Variants in ZNF496 observed in about 807,000 individuals in gnomAD.
The protein encoded by ZNF496 is zinc finger protein 496, also known as NSD1 (nuclear receptor binding SET-domain containing 1)-interacting zinc finger protein 1.
A neutral mutation model predicts 58.9 loss-of-function variants in ZNF496; 11 were observed. The observed-to-expected ratio is 0.19, with a 90% CI of 0.12 to 0.31. ZNF496 has a LOEUF of 0.31. Among genes scored for constraint, ZNF496 ranks in the 10% least tolerant of loss-of-function variants. ZNF496 has a pLI of 1.00. For synonymous variants in ZNF496, 338 were observed against 318.2 expected (o/e 1.06, Z -0.66); for missense variants, 660 against 783.0 (o/e 0.84, Z 1.88).
At chr1:247,318,419 C>G (rs576407978) in intron 6 of ZNF496, among the ~76,000 whole-genome samples, 6 of 152,216 alleles carry the variant, frequency 3.9e-5, no homozygotes, top group African/African-American at 1.4e-4. Context: ...CTAAAGAAAT[C>G]CATAACAAGA....
At chr1:247,316,756 AG>A (rs923973201) in intron 6 of ZNF496, among the ~76,000 whole-genome samples, 5 of 152,228 alleles carry the variant, frequency 3.3e-5, no homozygotes, top group African/African-American at 4.8e-5. Context: ...GTGGGTGGAC[AG>A]ACAGTGCTCC....
At chr1:247,307,360 G>A (rs569357514) in intron 9 of ZNF496, 1 of 985,304 alleles carries the variant, frequency 1.0e-6, no homozygotes, top group Non-Finnish European at 1.2e-6. Flanking sequence ...TCCAGCAAGG[G>A]AAGAATGGAG....
chr1:247,311,947 C>G (rs1291917124), intron 6 of ZNF496: 1 of 152,246 alleles, frequency 6.6e-6, no homozygotes, highest in Non-Finnish European at 1.5e-5. Flanking sequence ...CGCTCTGGGC[C>G]TGTGATGGGC....
chr1:247,323,006 C>T, intron 6 of ZNF496, 148 bp downstream of exon 6: 1 of 719,558 alleles, frequency 1.4e-6, no homozygotes, highest in Admixed American at 2.8e-5. Context: ...GTCTCTTAAG[C>T]TCACGCTCTG....
chr1:247,327,729 GT>G (rs776354642), intron 5 of ZNF496, among the ~76,000 whole-genome samples: 81 of 151,208 alleles, frequency 5.4e-4, no homozygotes, highest in Non-Finnish European at 9.2e-4. Context: ...TCATAAGAAA[GT>G]CTCCCCTGGC....
rs1318722807 is a variant in ZNF496, at chr1:247,299,802, C to T, written c.*717G>A. On this transcript the variant is annotated 3_prime_UTR_variant, in exon 10 of 10. Transcript: ENST00000682384. The stretch of plus-strand genomic sequence containing the variant: ...CTTTGTTTTTGGTGAGCTCCAGATC[C>T]CTAGTGATTGGCCCCCAGGAAAATC... The T allele has an allele frequency of 6.6e-6, 1 of 152,212 alleles. No homozygotes were observed. Among genetic ancestry groups the T allele is most frequent in the African/African-American group, 2.4e-5 (1 of 41,428 alleles). 9.4% of individuals were successfully genotyped at this position (152,212 alleles called of 1,614,324 possible).
At chr1:247,326,338 T>C (rs1013607572) in intron 5 of ZNF496, among the ~76,000 whole-genome samples, 41 of 152,044 alleles carry the variant, frequency 2.7e-4, no homozygotes, top group Admixed American at 2.7e-3. Context: ...ACTGTCCCAA[T>C]AGTTAAGGTT....
In ZNF496 at chr1:247,300,513, AGAG is replaced by A; in HGVS notation, c.*3_*5del. On this transcript the variant is annotated 3_prime_UTR_variant, in exon 10 of 10. Transcript: ENST00000682384. This position sits in a 1 kb window ranked among gnomAD's most constrained non-coding sequence, Gnocchi z 5.7. The stretch of plus-strand genomic sequence containing the variant: ...GCCAGGGTGAGGCCGCCCCAGGCGG[AGAG>A]GCTCAGTAGGAGTTCAGAGCCTGCT... 6.3e-7 allele frequency: 1 copy of A among 1,596,038 alleles called. No homozygotes were observed. The highest frequency in any genetic ancestry group is 8.6e-7 in the Non-Finnish European group (1 of 1,168,068).
Position 247,322,661 on chromosome 1 carries a change from G to A in ZNF496, c.651+493C>T, listed in dbSNP as rs763871804. The A allele has an allele frequency of 3.0e-5, 37 of 1,250,976 alleles. No individual in the cohort carries two copies. The South Asian group carries it at 3.8e-4, about 13-fold the overall frequency. 77.5% of individuals were successfully genotyped at this position (1,250,976 alleles called of 1,614,324 possible). ...GTAAGCAAGTCTTACACAAAAACAC[G>A]AACGAGAACATTCGAGGAAATTCTG... On this transcript the variant is annotated intron_variant, in intron 6 of 9. Transcript: ENST00000682384.
At chr1:247,304,387 T>G (rs1460164895) in intron 9 of ZNF496, among the ~76,000 whole-genome samples, 5 of 120,342 alleles carry the variant, frequency 4.2e-5, no homozygotes, top group Non-Finnish European at 9.1e-5. Flanking sequence ...TTTTTTTTTT[T>G]TGAGATGGGG....
At position 247,308,122 on chromosome 1, in the gene ZNF496, G is replaced by T; in HGVS notation, c.1006+353C>A. 1 of 667,162 alleles carries T rather than the reference G, an allele frequency of 1.5e-6. No homozygotes were observed. The highest frequency in any genetic ancestry group is 1.9e-6 in the Non-Finnish European group (1 of 539,102). The allele number at this position is 667,162 out of a possible 1,614,324, so 41.3% of individuals were successfully genotyped here. A position where few individuals can be genotyped will look rare whatever the true frequency, so the allele number is the denominator to read the frequency against. On this transcript the variant is annotated intron_variant, in intron 9 of 9. Transcript: ENST00000682384. The surrounding 1 kb of genome is among the most constrained non-coding windows in gnomAD (Gnocchi z 4.5). ...CCCGGCCCCTGGGAAAGGCAAGGAG[G>T]GTGAGCCTGGGATTGGGAGTGAGCT... is the stretch of plus-strand genomic sequence containing the variant.
Position 247,308,895 on chromosome 1 carries a change from T to G in ZNF496, c.893-307A>C. 5.4e-6 allele frequency: 2 copies of G among 371,152 alleles called. No homozygotes were observed. Among genetic ancestry groups the G allele is most frequent in the South Asian group, 2.3e-5 (1 of 44,116 alleles). 23.0% of individuals were successfully genotyped at this position (371,152 alleles called of 1,614,324 possible). A position where few individuals can be genotyped will look rare whatever the true frequency, so the allele number is the denominator to read the frequency against. ...GCCCCATATTTATTCCCACTTTCTG[T>G]GGTGGGTTTTCTATAGTCATCACCA... On this transcript the variant is annotated intron_variant, in intron 8 of 9. Transcript: ENST00000682384. This position sits in a 1 kb window ranked among gnomAD's most constrained non-coding sequence, Gnocchi z 4.5.
intron 9 of ZNF496, among the ~76,000 whole-genome samples, chr1:247,305,223 C>T (rs1328378912): frequency 6.6e-6 from 1 of 152,060 alleles, no homozygotes; most frequent in African/African-American, 2.4e-5. Flanking sequence ...TGCAGTAAGC[C>T]AAGATCGCGC....
At position 247,320,750 on chromosome 1, in the gene ZNF496, G is replaced by A. The variant is rs572149637; in HGVS notation, c.651+2404C>T. 2.4e-4 allele frequency among the ~76,000 whole-genome samples: 36 copies of A among 152,272 alleles called. No homozygotes were observed. The South Asian group carries it at 6.8e-3, about 29-fold the overall frequency. On this transcript the variant is annotated intron_variant, in intron 6 of 9. Coordinates refer to ENST00000682384, the MANE Select transcript of ZNF496 (RefSeq NM_032752.3). ...TTTAAAAAGAAAAACAAAACTTCAC[G>A]TGTACCATGTTCATAGCAGCATTAT...
In ZNF496 at chr1:247,313,936, A is replaced by C. The variant is rs147936859; in HGVS notation, c.652-3480T>G. 4 of 152,320 alleles carry C rather than the reference A, an allele frequency of 2.6e-5. No individual in the cohort carries two copies. In the East Asian group the frequency reaches 7.7e-4, roughly 29 times the overall value. The allele number at this position is 152,320 out of a possible 1,614,324, so 9.4% of individuals were successfully genotyped here. A position where few individuals can be genotyped will look rare whatever the true frequency, so the allele number is the denominator to read the frequency against. On this transcript the variant is annotated intron_variant, in intron 6 of 9. Transcript: ENST00000682384. ...AAGTGCAGGGCGTCTAGGAGTTCCG[A>C]AGGTTAGCTGCTTCTCAAGAGGTTC...
At chr1:247,320,480 T>G (rs1572088149) in intron 6 of ZNF496, among the ~76,000 whole-genome samples, 1 of 152,032 alleles carries the variant, frequency 6.6e-6, no homozygotes, top group South Asian at 2.1e-4. Context: ...GAAGAGAGGG[T>G]GAGGGTAGGA....
At position 247,308,419 on chromosome 1, in the gene ZNF496, T is replaced by C. The variant is rs1394596049; in HGVS notation, c.1006+56A>G. 2.0e-6 allele frequency: 3 copies of C among 1,499,700 alleles called. No homozygotes were observed. Among genetic ancestry groups the C allele is most frequent in the African/African-American group, 2.8e-5 (2 of 72,596 alleles). 92.9% of individuals were successfully genotyped at this position (1,499,700 alleles called of 1,614,324 possible). ...TGCCACACATGCATACATACATTCA[T>C]GCGACACACCACAGACACACAGGGA... On this transcript the variant is annotated intron_variant, in intron 9 of 9. Coordinates refer to ENST00000682384, the MANE Select transcript of ZNF496 (RefSeq NM_032752.3). This position sits in a 1 kb window ranked among gnomAD's most constrained non-coding sequence, Gnocchi z 4.5.
intron 6 of ZNF496, among the ~76,000 whole-genome samples, chr1:247,322,338 C>T (rs1056741258): frequency 1.1e-4 from 16 of 152,140 alleles, no homozygotes; most frequent in Non-Finnish European, 1.9e-4. Context: ...AAGCAAACTG[C>T]TCAGCTTCCG....
chr1:247,300,982 G>T lies in ZNF496; in HGVS notation c.1301C>A (p.Pro434Gln). 6.2e-7 allele frequency: 1 copy of T among 1,613,856 alleles called. No homozygotes were observed. Among genetic ancestry groups the T allele is most frequent in the East Asian group, 2.2e-5 (1 of 44,884 alleles). Residue 434 changes from proline to glutamine, a missense_variant, in exon 10 of 10, where the codon CCG becomes CAG. Transcript: ENST00000682384. This position sits in a 1 kb window ranked among gnomAD's most constrained non-coding sequence, Gnocchi z 5.7. ...CTCCCCGCACACCGAGCACTCGTGC[G>T]GCTTCTCCTGCTCCCTGCGGCTCCG... ...HLRSRREQEK[P>Q]HECSVCGELF...
Sources: gnomAD v4.1 joint callset for allele counts (sites outside exome capture counted in the v4.1 genomes callset) on GRCh38, gnomAD v4.1.1 for gene constraint, Gnocchi (gnomAD v3.1) non-coding constraint, MANE v1.5 for transcripts, NCBI Gene and HGNC (gene_info 2026-07-23, HGNC 2026-07-21) for gene names.